Variants in ANK2 observed in about 807,000 individuals in gnomAD.
The protein encoded by ANK2 is ankyrin 2.
Under a neutral mutation model 360.5 loss-of-function variants are expected in ANK2, and 83 were observed. That is an observed-to-expected ratio of 0.23 (90% confidence interval 0.19 to 0.28). The LOEUF is 0.28. ANK2 is among the 10% of genes least tolerant of loss of function. The pLI, the probability that ANK2 is intolerant of heterozygous loss-of-function variation, is 1.00. For synonymous variants in ANK2, 1,740 were observed against 1,759.5 expected, an observed-to-expected ratio of 0.99 and a Z score of 0.28; for missense variants, 4,201 against 4,795.7, an observed-to-expected ratio of 0.88 and a Z score of 3.66.
Position 113,213,962 on chromosome 4 carries a change from T to A in ANK2, c.384+14853T>A, listed in dbSNP as rs560308244. On this transcript the variant is annotated intron_variant, in intron 4 of 45. Coordinates refer to ENST00000357077, the MANE Select transcript of ANK2 (RefSeq NM_001148.6). Reference sequence around the variant, plus strand: ...CAAAATGCTGTTTTATTTATTTTTTTTTTTTATTTTTTTTTTAAGTACAAT... The same window carrying A: ...CAAAATGCTGTTTTATTTATTTTTTATTTTTATTTTTTTTTTAAGTACAAT... 2.2e-4 allele frequency: 108 copies of A among 487,670 alleles called. 10 individuals carry two copies. Among genetic ancestry groups the A allele is most frequent in the South Asian group, 1.1e-3 (50 of 44,168 alleles). 30.2% of individuals were successfully genotyped at this position (487,670 alleles called of 1,614,324 possible). A position where few individuals can be genotyped will look rare whatever the true frequency, so the allele number is the denominator to read the frequency against.
chr4:113,315,896 CAAAAAA>C (rs70961811), intron 24 of ANK2, among the ~76,000 whole-genome samples: 2 of 49,314 alleles, frequency 4.1e-5, no homozygotes, highest in African/African-American at 5.9e-5. Context: ...GACTCCGTCT[CAAAAAA>C]AAAAAAAAAA....
chr4:113,205,627 C>T (rs2098936389), intron 4 of ANK2, among the ~76,000 whole-genome samples: 1 of 152,184 alleles, frequency 6.6e-6, no homozygotes, highest in African/African-American at 2.4e-5. Flanking sequence ...CAGACCACGA[C>T]TATTAATTCC....
rs541947421 is a variant in ANK2, at chr4:112,999,729, G to A, written c.21+95215G>A. ...CCATTTTCAGAATTCCAATCATAGA[G>A]GAAAGGTTTTGGCTAAGGATTTTAA... On this transcript the variant is annotated intron_variant, in intron 2 of 30. Coordinates refer to the ANK2 transcript ENST00000503271. 4.4e-4 allele frequency among the ~76,000 whole-genome samples: 67 copies of A among 151,292 alleles called. No individual in the cohort carries two copies. In the Middle Eastern group the frequency reaches 0.01, roughly 24 times the overall value.
intron 2 of ANK2, among the ~76,000 whole-genome samples, chr4:113,020,518 G>T (rs1396161517): frequency 6.6e-6 from 1 of 152,010 alleles, no homozygotes; most frequent in Non-Finnish European, 1.5e-5. Flanking sequence ...ACGATAATTT[G>T]TTTTTTCTGA....
At chr4:112,707,984 G>A in the ANK2 span, among the ~76,000 whole-genome samples, 1 of 152,054 alleles carries the variant, frequency 6.6e-6, no homozygotes, top group African/African-American at 2.4e-5. Context: ...TTTAGTGATT[G>A]GTGCATTAAT....
At chr4:113,013,930 C>T (rs904258205) in intron 2 of ANK2, among the ~76,000 whole-genome samples, 2 of 151,676 alleles carry the variant, frequency 1.3e-5, no homozygotes, top group African/African-American at 2.4e-5. Context: ...TAGTTTTAGG[C>T]CCTAAACTTT....
At chr4:112,763,593 G>A in the ANK2 span, among the ~76,000 whole-genome samples, 1 of 148,822 alleles carries the variant, frequency 6.7e-6, no homozygotes, top group Admixed American at 6.7e-5. Context: ...AGTGCAGTGG[G>A]GCGATCTCGG....
chr4:113,365,011 A>T (rs2154052413), intron 40 of ANK2, 28 bp from the exon 41 acceptor site: 1 of 1,613,324 alleles, frequency 6.2e-7, no homozygotes, highest in Non-Finnish European at 8.5e-7. Flanking sequence ...TCTCAGACAT[A>T]ATAAATGCTG....
chr4:113,285,067 T>C (rs2063860887), intron 18 of ANK2, among the ~76,000 whole-genome samples: 1 of 152,168 alleles, frequency 6.6e-6, no homozygotes, highest in South Asian at 2.1e-4. Context: ...GGTCCACCAG[T>C]GTGTCTTAGG....
chr4:112,717,395 A>C, the ANK2 span, among the ~76,000 whole-genome samples: 5 of 152,178 alleles, frequency 3.3e-5, no homozygotes, highest in African/African-American at 1.2e-4. Flanking sequence ...TTAACTTCAT[A>C]AGGTTATTTT....
At chr4:112,937,285 G>A (rs1581501205) in intron 2 of ANK2, among the ~76,000 whole-genome samples, 1 of 151,614 alleles carries the variant, frequency 6.6e-6, no homozygotes, top group African/African-American at 2.4e-5. Context: ...AAGTACTCAA[G>A]ATATGTGAGT....
chr4:113,224,304 C>T (rs1174415022), intron 4 of ANK2, among the ~76,000 whole-genome samples: 3 of 152,168 alleles, frequency 2.0e-5, no homozygotes, highest in Non-Finnish European at 2.9e-5. Flanking sequence ...CTTTATGTAA[C>T]AAATATTTAC....
chr4:112,730,252 C>CAAAAA, the ANK2 span, among the ~76,000 whole-genome samples: 5 of 50,898 alleles, frequency 9.8e-5, no homozygotes, highest in African/African-American at 1.7e-4. Flanking sequence ...GACTCTGTCT[C>CAAAAA]AAAAAAAAAA....
At chr4:113,017,852 A>G (rs2154295873) in intron 2 of ANK2, among the ~76,000 whole-genome samples, 1 of 152,276 alleles carries the variant, frequency 6.6e-6, no homozygotes, top group Non-Finnish European at 1.5e-5. Flanking sequence ...TTTTCTCCTT[A>G]CCTTTATTTT....
chr4:112,753,417 GC>G, the ANK2 span, among the ~76,000 whole-genome samples: 4 of 152,166 alleles, frequency 2.6e-5, no homozygotes, highest in Non-Finnish European at 5.9e-5. Context: ...AGATGTTAGA[GC>G]CTACTACACA....
chr4:112,937,619 C>T (rs1365718158), intron 2 of ANK2, among the ~76,000 whole-genome samples: 7 of 152,320 alleles, frequency 4.6e-5, no homozygotes, highest in Non-Finnish European at 8.8e-5. Context: ...TGAGCCACCG[C>T]GCCCGGCCTT....
intron 1 of ANK2, among the ~76,000 whole-genome samples, chr4:113,134,082 A>G (rs1225259964): frequency 6.6e-6 from 1 of 152,100 alleles, no homozygotes; most frequent in African/African-American, 2.4e-5. Context: ...TGCTGAAACC[A>G]TCTATACTAC....
At chr4:112,797,455 G>A in the ANK2 span, 1 of 160,426 alleles carries the variant, frequency 6.2e-6, no homozygotes. Flanking sequence ...ACTCCCTGGA[G>A]CAGTGTACTG....
chr4:112,824,136 CATCTATCT>C (rs35729539), intron 1 of ANK2, among the ~76,000 whole-genome samples: 5,434 of 147,994 alleles, frequency 0.037, 118 homozygotes, highest in African/African-American at 0.048. Flanking sequence ...AGGTCTTCAG[CATCTATCT>C]ATCTATCTAT....
Sources: gnomAD v4.1 joint callset for allele counts (sites outside exome capture counted in the v4.1 genomes callset) on GRCh38, gnomAD v4.1.1 for gene constraint, MANE v1.5 for transcripts, NCBI Gene and HGNC (gene_info 2026-07-23, HGNC 2026-07-21) for gene names.